ENPP4: variants seen among roughly 807,000 people sequenced by gnomAD.
ENPP4 encodes ectonucleotide pyrophosphatase/phosphodiesterase 4.
A neutral mutation model predicts 33.4 loss-of-function variants in ENPP4; 18 were observed. The ratio of observed to expected loss-of-function variants is 0.54; its 90% CI spans 0.37 to 0.80. The LOEUF (loss-of-function observed/expected upper bound fraction) is 0.80. Among genes scored for constraint, ENPP4 ranks in the 30% least tolerant of loss-of-function variants. The pLI, the probability that ENPP4 is intolerant of heterozygous loss-of-function variation, is 0.00. For missense variants in ENPP4, 480 were observed against 541.7 expected (o/e 0.89, Z 1.13); for synonymous variants, 172 against 189.9 (o/e 0.91, Z 0.78).
chr6:46,131,123 T>G (rs1428964116), intron 1 of ENPP4, among the ~76,000 whole-genome samples: 1 of 152,132 alleles, frequency 6.6e-6, no homozygotes, highest in Non-Finnish European at 1.5e-5. Flanking sequence ...GGAAGACATT[T>G]TTTTTTATGG....
At chr6:46,141,606 C>T (rs944694059) in intron 3 of ENPP4, among the ~76,000 whole-genome samples, 8 of 151,458 alleles carry the variant, frequency 5.3e-5, no homozygotes, top group Non-Finnish European at 1.5e-5. Flanking sequence ...TAAGTCTTCC[C>T]CAGTAACAAA....
At chr6:46,142,395 A>G (rs1764078668) in intron 3 of ENPP4, among the ~76,000 whole-genome samples, 10 of 20,534 alleles carry the variant, frequency 4.9e-4, no homozygotes, top group Admixed American at 4.1e-3. Flanking sequence ...TATATATAAT[A>G]TATAATTACA....
At position 46,131,610 on chromosome 6, in the gene ENPP4, A is replaced by T. The variant is rs185492510; in HGVS notation, c.-34+1421A>T. Among the ~76,000 whole-genome samples, 4 of 152,318 alleles carry T rather than the reference A, an allele frequency of 2.6e-5. No homozygotes were observed. In the South Asian group the frequency reaches 8.3e-4, roughly 32 times the overall value. On this transcript the variant is annotated intron_variant, in intron 1 of 3. Transcript: ENST00000321037. Reference sequence around the variant, plus strand: ...CTTTGCTATTGTGAATAATGCTGCAATGAACATATGTGTGCATGTGTCTTT... The same window carrying T: ...CTTTGCTATTGTGAATAATGCTGCATTGAACATATGTGTGCATGTGTCTTT...
chr6:46,146,574 TTAAAA>T lies in ENPP4; in HGVS notation c.*2937_*2941del, dbSNP rs1358046356. 5 of 152,354 alleles carry T rather than the reference TTAAAA, an allele frequency of 3.3e-5. No homozygotes were observed. Among genetic ancestry groups the T allele is most frequent in the Non-Finnish European group, 7.4e-5 (5 of 67,858 alleles). 9.4% of individuals were successfully genotyped at this position (152,354 alleles called of 1,614,324 possible). ...TGTGTATGTAGTGCCTTAATTTAAA[TTAAAA>T]TATTTTTGACTGTTACTTGAGTTCA... is the stretch of plus-strand genomic sequence containing the variant. On this transcript the variant is annotated 3_prime_UTR_variant, in exon 4 of 4. Coordinates refer to ENST00000321037, the MANE Select transcript of ENPP4 (RefSeq NM_014936.5).
Position 46,144,208 on chromosome 6 carries a change from A to C in ENPP4, c.*568A>C, listed in dbSNP as rs1764110623. On this transcript the variant is annotated 3_prime_UTR_variant, in exon 4 of 4. Transcript: ENST00000321037. The stretch of plus-strand genomic sequence containing the variant: ...TGGAGCAGACAGAAAAGATATAGCA[A>C]ATGAAGAAATATTTTAAGGAAACCT... The C allele has an allele frequency of 6.6e-6, 1 of 151,750 alleles. No individual in the cohort carries two copies. Among genetic ancestry groups the C allele is most frequent in the African/African-American group, 2.4e-5 (1 of 41,370 alleles). 9.4% of individuals were successfully genotyped at this position (151,750 alleles called of 1,614,324 possible).
intron 1 of ENPP4, 57 bp downstream of exon 1, chr6:46,130,246 G>A (rs1763871372): frequency 6.6e-6 from 1 of 150,636 alleles, no homozygotes; most frequent in East Asian, 2.0e-4. Flanking sequence ...CCCCTCTCCA[G>A]TCCCCTAGGG....
chr6:46,139,555 C>G lies in ENPP4; in HGVS notation c.-29C>G. 1.7e-6 allele frequency: 2 copies of G among 1,167,762 alleles called. No homozygotes were observed. The highest frequency in any genetic ancestry group is 2.5e-6 in the Non-Finnish European group (2 of 785,794). The allele number at this position is 1,167,762 out of a possible 1,614,324, so 72.3% of individuals were successfully genotyped here. On this transcript the variant is annotated 5_prime_UTR_variant, in exon 2 of 4. Coordinates refer to ENST00000321037, the MANE Select transcript of ENPP4 (RefSeq NM_014936.5). ...AGTTGTGTTTTTACATTTTAGGAACCCTGATTGCTGTCCTTCAACGTGTTC... is the reference window on the plus strand; with the variant it reads ...AGTTGTGTTTTTACATTTTAGGAACGCTGATTGCTGTCCTTCAACGTGTTC...
In ENPP4 at chr6:46,146,172, CAT is replaced by C. The variant is rs1169037632; in HGVS notation, c.*2534_*2535del. ...TCAGAATAAGTACATTCATGTATAA[CAT>C]AGGGACAGTTCTGCTGCTGTTATTT... On this transcript the variant is annotated 3_prime_UTR_variant, in exon 4 of 4. Transcript: ENST00000321037. The C allele has an allele frequency of 2.0e-5, 3 of 152,092 alleles. No individual in the cohort carries two copies. In the South Asian group the frequency reaches 6.2e-4, roughly 31 times the overall value. The allele number at this position is 152,092 out of a possible 1,614,324, so 9.4% of individuals were successfully genotyped here. A position where few individuals can be genotyped will look rare whatever the true frequency, so the allele number is the denominator to read the frequency against.
rs1763957995 is a variant in ENPP4 at position 46,135,059 on chromosome 6, A to G, written c.-33-4492A>G. On this transcript the variant is annotated intron_variant, in intron 1 of 3. Transcript: ENST00000321037. Reference sequence around the variant, plus strand: ...AAATAATATTTCATTATATGGATATATTACATTTTATTTATCCATTCATAA... The same window carrying G: ...AAATAATATTTCATTATATGGATATGTTACATTTTATTTATCCATTCATAA... Among the ~76,000 whole-genome samples, 2 of 152,152 alleles carry G rather than the reference A, an allele frequency of 1.3e-5. 1 individual carries two copies. Among genetic ancestry groups the G allele is most frequent in the South Asian group, 4.1e-4 (2 of 4,834 alleles).
At position 46,145,849 on chromosome 6, in the gene ENPP4, G is replaced by C. The variant is rs1040479740; in HGVS notation, c.*2209G>C. 7 of 151,888 alleles carry C rather than the reference G, an allele frequency of 4.6e-5. No homozygotes were observed. Among genetic ancestry groups the C allele is most frequent in the African/African-American group, 1.7e-4 (7 of 41,504 alleles). The allele number at this position is 151,888 out of a possible 1,614,324, so 9.4% of individuals were successfully genotyped here. A position where few individuals can be genotyped will look rare whatever the true frequency, so the allele number is the denominator to read the frequency against. ...ATATGTTGATGGGACAAGAAGAATA[G>C]TATTTATTTAATAAAACATATATTA... On this transcript the variant is annotated 3_prime_UTR_variant, in exon 4 of 4. Transcript: ENST00000321037.
At chr6:46,133,533 C>CTT (rs1382271626) in intron 1 of ENPP4, among the ~76,000 whole-genome samples, 2 of 152,136 alleles carry the variant, frequency 1.3e-5, no homozygotes, top group Non-Finnish European at 1.5e-5. Context: ...TGACTGCATT[C>CTT]CATCCAGGGA....
intron 3 of ENPP4, among the ~76,000 whole-genome samples, chr6:46,143,056 G>A (rs1028651583): frequency 1.7e-4 from 26 of 151,436 alleles, no homozygotes; most frequent in African/African-American, 6.3e-4. Flanking sequence ...TAAAGTCTGA[G>A]GGTATGACCA....
At position 46,143,634 on chromosome 6, in the gene ENPP4, T is replaced by C; in HGVS notation, c.1356T>C (p.Ile452=). The C allele has an allele frequency of 1.2e-6, 2 of 1,607,874 alleles. No homozygotes were observed. Among genetic ancestry groups the C allele is most frequent in the Non-Finnish European group, 1.7e-6 (2 of 1,176,324 alleles). Residue 452 remains isoleucine (I), a synonymous_variant, in exon 4 of 4, where the codon ATT becomes ATC. Transcript: ENST00000321037. ...QLQEDDDDPL[I]G is the part of the protein sequence containing the mutation. Reference sequence around the variant, plus strand: ...AAGAAGATGATGATGATCCTTTAATTGGGTGACATGTGCTAGGGCTTATAC... The same window carrying C: ...AAGAAGATGATGATGATCCTTTAATCGGGTGACATGTGCTAGGGCTTATAC...
chr6:46,140,445 G>A (rs771398644), intron 2 of ENPP4, 36 bp downstream of exon 2: 43 of 1,293,758 alleles, frequency 3.3e-5, no homozygotes, highest in Non-Finnish European at 4.3e-5. Flanking sequence ...ACTATTATTC[G>A]AATGGGGCAA....
chr6:46,143,474 A>C lies in ENPP4; in HGVS notation c.1196A>C (p.Gln399Pro). The change falls in exon 4 of 4, where the codon CAG (glutamine) becomes CCG (proline). Residue 399 changes from glutamine (Q) to proline (P), a missense_variant. Physicochemically the swap from Gln to Pro is moderately conservative, Grantham distance 76. Transcript: ENST00000321037. ...FGHTKCLLVD[Q>P]WCINLPEAIA... Reference sequence around the variant, plus strand: ...CATACTAAGTGCTTGTTAGTTGACCAGTGGTGCATTAATCTCCCAGAAGCC... The same window carrying C: ...CATACTAAGTGCTTGTTAGTTGACCCGTGGTGCATTAATCTCCCAGAAGCC... 6.2e-7 allele frequency: 1 copy of C among 1,612,862 alleles called. No homozygotes were observed. The highest frequency in any genetic ancestry group is 8.5e-7 in the Non-Finnish European group (1 of 1,179,114).
chr6:46,139,515 G>A lies in ENPP4; in HGVS notation c.-33-36G>A, dbSNP rs1017452768. ...TCTAAAACTTAACCCAAATGAAATA[G>A]AATTACTACTTATGAGTTGTGTTTT... On this transcript the variant is annotated intron_variant, in intron 1 of 3. Coordinates refer to ENST00000321037, the MANE Select transcript of ENPP4 (RefSeq NM_014936.5). The A allele has an allele frequency of 9.6e-6, 8 of 835,002 alleles. 1 individual carries two copies. The Admixed American group carries it at 1.1e-4, about 12-fold the overall frequency. The allele number at this position is 835,002 out of a possible 1,614,324, so 51.7% of individuals were successfully genotyped here.
At position 46,143,580 on chromosome 6, in the gene ENPP4, A is replaced by G; in HGVS notation, c.1302A>G (p.Val434=). The G allele has an allele frequency of 6.2e-7, 1 of 1,612,382 alleles. No individual in the cohort carries two copies. Among genetic ancestry groups the G allele is most frequent in the Non-Finnish European group, 8.5e-7 (1 of 1,178,794 alleles). The part of the protein sequence containing the change: ...LIIIMQNRLS[V]PRPFSRLQLQ... ...TAATCATGCAGAATAGACTTTCTGT[A>G]CCTCGTCCATTTTCTCGACTTCAGC... is the stretch of plus-strand genomic sequence containing the variant. Residue 434 remains valine, a synonymous_variant, in exon 4 of 4, where the codon GTA becomes GTG. Transcript: ENST00000321037.
chr6:46,142,404 CAT>C (rs1562061071), intron 3 of ENPP4, among the ~76,000 whole-genome samples: 8 of 15,926 alleles, frequency 5.0e-4, no homozygotes, highest in Non-Finnish European at 6.9e-4. Flanking sequence ...TATATAATTA[CAT>C]ATAATTATAA....
At position 46,142,389 on chromosome 6, in the gene ENPP4, T is replaced by TA. The variant is rs1171830554; in HGVS notation, c.998-886dup. Reference sequence around the variant, plus strand: ...TATATAATGTATATTATATATTATATATAATATATAATTACATATAATTAT... The same window carrying TA: ...TATATAATGTATATTATATATTATATAATAATATATAATTACATATAATTAT... On this transcript the variant is annotated intron_variant, in intron 3 of 3. Coordinates refer to ENST00000321037, the MANE Select transcript of ENPP4 (RefSeq NM_014936.5). Among the ~76,000 whole-genome samples the TA allele has an allele frequency of 2.8e-5, 4 of 145,218 alleles. No homozygotes were observed. In the East Asian group the frequency reaches 7.8e-4, roughly 28 times the overall value.
Sources: gnomAD v4.1 joint callset for allele counts (sites outside exome capture counted in the v4.1 genomes callset) on GRCh38, gnomAD v4.1.1 for gene constraint, MANE v1.5 for transcripts, NCBI Gene and HGNC (gene_info 2026-07-23, HGNC 2026-07-21) for gene names.